BTN3A2: variants seen among roughly 807,000 people sequenced by gnomAD.
BTN3A2 encodes butyrophilin subfamily 3 member A2, also known as butyrophilin protein.
BTN3A2 carries 25 observed loss-of-function variants against 37.6 expected under a neutral mutation model. The ratio of observed to expected loss-of-function variants is 0.66; its 90% CI spans 0.48 to 0.93. The LOEUF (loss-of-function observed/expected upper bound fraction) is 0.93, where lower values mean the gene tolerates loss of function less well. Among genes scored for constraint, BTN3A2 ranks in the 40% least tolerant of loss-of-function variants. The pLI is 0.00. For missense variants in BTN3A2, 266 were observed against 410.9 expected, an observed-to-expected ratio of 0.65 and a Z score of 3.05; for synonymous variants, 122 against 159.4, an observed-to-expected ratio of 0.77 and a Z score of 1.77.
intron 5 of BTN3A2, among the ~76,000 whole-genome samples, chr6:26,371,031 G>A (rs1047406286): frequency 2.0e-5 from 3 of 152,098 alleles, no homozygotes; most frequent in African/African-American, 2.4e-5. Flanking sequence ...TTGGGAGGCC[G>A]AGGCAGGCAG....
In BTN3A2 at chr6:26,365,273, C is replaced by T; in HGVS notation, c.-146C>T. 6.6e-7 allele frequency: 1 copy of T among 1,519,896 alleles called. No homozygotes were observed. The highest frequency in any genetic ancestry group is 2.4e-5 in the East Asian group (1 of 40,848). 94.2% of individuals were successfully genotyped at this position (1,519,896 alleles called of 1,614,324 possible). A position where few individuals can be genotyped will look rare whatever the true frequency, so the allele number is the denominator to read the frequency against. On this transcript the variant is annotated 5_prime_UTR_variant, in exon 1 of 11. Transcript: ENST00000377708. ...CCTTTCTTCCGGATGAGAGGCTAAGCCATAATAGAAAGAATGGAGAATTAT... is the reference window on the plus strand; with the variant it reads ...CCTTTCTTCCGGATGAGAGGCTAAGTCATAATAGAAAGAATGGAGAATTAT...
chr6:26,376,215 GAAA>G lies in BTN3A2; in HGVS notation c.*472_*474del. The G allele has an allele frequency of 7.3e-5, 5 of 68,306 alleles. No homozygotes were observed. The highest frequency in any genetic ancestry group is 4.7e-4 in the South Asian group (1 of 2,108). 4.2% of individuals were successfully genotyped at this position (68,306 alleles called of 1,614,324 possible). A position where few individuals can be genotyped will look rare whatever the true frequency, so the allele number is the denominator to read the frequency against. ...GAGACAGAGCGAGACTCTGTCTCAA[GAAA>G]AAAAAAAAAAAAAAAAAAGAAAAGA... is the stretch of plus-strand genomic sequence containing the variant. On this transcript the variant is annotated 3_prime_UTR_variant, in exon 11 of 11. Transcript: ENST00000377708.
chr6:26,365,361 A>G lies in BTN3A2; in HGVS notation c.-67+9A>G. On this transcript the variant is annotated intron_variant, in intron 1 of 10. Transcript: ENST00000377708. ...AATGGGAATACCAAGGGGTAAGTGC[A>G]GGAAATTGATTAGAGCCTGGGCTAC... 6.5e-7 allele frequency: 1 copy of G among 1,536,180 alleles called. No individual in the cohort carries two copies.
At position 26,377,400 on chromosome 6, in the gene BTN3A2, A is replaced by C; in HGVS notation, c.*1638A>C. On this transcript the variant is annotated 3_prime_UTR_variant, in exon 11 of 11. Transcript: ENST00000377708. ...AGATAAGGAAACTGGGGTGTAGAAA[A>C]GTGTATTGACTTTACAAAGCAGACA... The C allele has an allele frequency of 2.0e-6, 1 of 509,130 alleles. No homozygotes were observed. The highest frequency in any genetic ancestry group is 3.6e-6 in the Non-Finnish European group (1 of 279,126). 31.5% of individuals were successfully genotyped at this position (509,130 alleles called of 1,614,324 possible).
chr6:26,372,862 C>A (rs1309273902), intron 5 of BTN3A2, 35 bp from the exon 6 acceptor site: 2 of 1,611,680 alleles, frequency 1.2e-6, no homozygotes, highest in African/African-American at 1.3e-5. Flanking sequence ...GCTGAGCGCA[C>A]CAGCGCCCAT....
chr6:26,375,593 T>C (rs138643110), intron 10 of BTN3A2: 20,099 of 1,494,994 alleles, frequency 0.013, 186 homozygotes, highest in African/African-American at 0.031. Flanking sequence ...GACAGATTCC[T>C]GGGGTCCAGA....
At position 26,370,589 on chromosome 6, in the gene BTN3A2, G is replaced by T; in HGVS notation, c.701G>T (p.Ser234Ile). The change falls in exon 5 of 11, where the codon AGC becomes ATC. Residue 234 changes from serine (S) to isoleucine (I), a missense_variant. This residue lies in a region of BTN3A2 where 204 missense variants were observed against 232.6 expected (regional missense o/e 0.88). Coordinates refer to ENST00000377708, the MANE Select transcript of BTN3A2 (RefSeq NM_007047.5). ...NSLLGLEKTA[S>I]ISIADPFFRS... ...CTCCTCGGCCTGGAAAAGACAGCCA[G>T]CATTTCCATCGCAGGTCAGTACCTG... The T allele has an allele frequency of 1.9e-6, 3 of 1,614,222 alleles. 1 individual carries two copies. Among genetic ancestry groups the T allele is most frequent in the South Asian group, 2.2e-5 (2 of 91,088 alleles).
Position 26,377,009 on chromosome 6 carries a change from A to C in BTN3A2, c.*1247A>C, listed in dbSNP as rs535955889. 1.9e-5 allele frequency: 28 copies of C among 1,437,880 alleles called. No homozygotes were observed. The highest frequency in any genetic ancestry group is 9.1e-5 in the East Asian group (4 of 43,906). The allele number at this position is 1,437,880 out of a possible 1,614,324, so 89.1% of individuals were successfully genotyped here. On this transcript the variant is annotated 3_prime_UTR_variant, in exon 11 of 11. Transcript: ENST00000377708. ...CCACGGATGGATCTCATATCTACAC[A>C]TTTCTGCACGCCTCTTCCTCTGAGC... is the stretch of plus-strand genomic sequence containing the variant.
At position 26,367,994 on chromosome 6, in the gene BTN3A2, T is replaced by C. The variant is rs938960013; in HGVS notation, c.-62T>C. On this transcript the variant is annotated 5_prime_UTR_variant, in exon 2 of 11. Coordinates refer to ENST00000377708, the MANE Select transcript of BTN3A2 (RefSeq NM_007047.5). ...TAACAGATATTATTTTTACAGATGG[T>C]TTTCCATACTGGAACCCAAAGGTAA... 74 of 1,381,506 alleles carry C rather than the reference T, an allele frequency of 5.4e-5. No individual in the cohort carries two copies. The Admixed American group carries it at 2.0e-3, about 37-fold the overall frequency. The allele number at this position is 1,381,506 out of a possible 1,614,324, so 85.6% of individuals were successfully genotyped here. A position where few individuals can be genotyped will look rare whatever the true frequency, so the allele number is the denominator to read the frequency against.
At chr6:26,374,149 G>C (rs976589181) in intron 8 of BTN3A2, 178 bp from the exon 9 acceptor site, 34 of 516,808 alleles carry the variant, frequency 6.6e-5, no homozygotes, top group Non-Finnish European at 2.3e-5. Context: ...TTAAGAAGAG[G>C]TGAAGAAAGA....
At position 26,376,534 on chromosome 6, in the gene BTN3A2, A is replaced by G. The variant is rs976916480; in HGVS notation, c.*772A>G. 2.3e-5 allele frequency: 31 copies of G among 1,341,784 alleles called. No homozygotes were observed. The highest frequency in any genetic ancestry group is 3.1e-5 in the Non-Finnish European group (31 of 989,802). The allele number at this position is 1,341,784 out of a possible 1,614,324, so 83.1% of individuals were successfully genotyped here. ...GCTGTGGCTCTTAAATCCAGGAAAA[A>G]TGGCTGACCCCATGGACACCTCCTC... On this transcript the variant is annotated 3_prime_UTR_variant, in exon 11 of 11. Transcript: ENST00000377708.
intron 5 of BTN3A2, among the ~76,000 whole-genome samples, chr6:26,371,685 C>CT (rs150885158): frequency 8.0e-4 from 116 of 144,828 alleles, no homozygotes; most frequent in East Asian, 4.0e-3. Flanking sequence ...GTGTGTGTGT[C>CT]TTTTTTTTTT....
At chr6:26,371,672 GTTGT>G (rs1581554666) in intron 5 of BTN3A2, among the ~76,000 whole-genome samples, 1 of 151,674 alleles carries the variant, frequency 6.6e-6, no homozygotes, top group East Asian at 1.9e-4. Flanking sequence ...TCTGTTTTTC[GTTGT>G]GTGTGTGTCT....
At chr6:26,371,256 G>C (rs545058432) in intron 5 of BTN3A2, among the ~76,000 whole-genome samples, 1 of 151,620 alleles carries the variant, frequency 6.6e-6, no homozygotes, top group South Asian at 2.1e-4. Context: ...GCGAGACTCT[G>C]TCTCAAAAAA....
chr6:26,374,072 A>C (rs1012898342), intron 8 of BTN3A2: 2 of 445,662 alleles, frequency 4.5e-6, no homozygotes, highest in Admixed American at 8.0e-5. Flanking sequence ...GCTGGACCCC[A>C]TTGGGAAGGA....
In BTN3A2 at chr6:26,377,491, G is replaced by A. The variant is rs891238139; in HGVS notation, c.*1729G>A. On this transcript the variant is annotated 3_prime_UTR_variant, in exon 11 of 11. Coordinates refer to ENST00000377708, the MANE Select transcript of BTN3A2 (RefSeq NM_007047.5). ...CTAACATTAATGGAGAATTTAAAAC[G>A]TTCTGAGTGCTGTGTTATGAGCTTT... is the stretch of plus-strand genomic sequence containing the variant. 5 of 363,216 alleles carry A rather than the reference G, an allele frequency of 1.4e-5. No individual in the cohort carries two copies. The highest frequency in any genetic ancestry group is 4.2e-5 in the Admixed American group (1 of 23,938). The allele number at this position is 363,216 out of a possible 1,614,324, so 22.5% of individuals were successfully genotyped here.
chr6:26,373,526 T>C, intron 8 of BTN3A2, 113 bp downstream of exon 8: 1 of 1,204,304 alleles, frequency 8.3e-7, no homozygotes, highest in Non-Finnish European at 1.1e-6. Flanking sequence ...TGGATCCCTT[T>C]ACCCAGAAAA....
At chr6:26,367,200 C>CTGCATTGAA in intron 1 of BTN3A2, among the ~76,000 whole-genome samples, 1 of 152,318 alleles carries the variant, frequency 6.6e-6, no homozygotes, top group East Asian at 1.9e-4. Context: ...TTTTTAACTG[C>CTGCATTGAA]TGCATTGAAT....
intron 8 of BTN3A2, 89 bp from the exon 9 acceptor site, chr6:26,374,238 A>T: frequency 2.2e-6 from 1 of 461,860 alleles, no homozygotes; most frequent in Non-Finnish European, 3.6e-6. Context: ...AAAAAAAAAA[A>T]AAGACTAGAT....
Sources: allele counts gnomAD v4.1 joint callset (sites outside exome capture counted in the v4.1 genomes callset), GRCh38; gene constraint gnomAD v4.1.1; regional missense constraint gnomAD v4.1.1; transcripts MANE v1.5; gene names NCBI Gene and HGNC (gene_info 2026-07-23, HGNC 2026-07-21).